The following PPARGC1A variants were observed in gnomAD, a reference collection of about 807,000 sequenced individuals.
The protein encoded by PPARGC1A is peroxisome proliferator-activated receptor gamma coactivator 1-alpha.
PPARGC1A carries 25 observed loss-of-function variants against 88.7 expected under a neutral mutation model. The ratio of observed to expected loss-of-function variants is 0.28; its 90% CI spans 0.21 to 0.39. The LOEUF (loss-of-function observed/expected upper bound fraction) is 0.39, where lower values mean the gene tolerates loss of function less well. PPARGC1A is among the 10% of genes least tolerant of loss of function. PPARGC1A has a pLI of 1.00. For synonymous variants in PPARGC1A, 363 were observed against 355.6 expected (o/e 1.02, Z -0.24); for missense variants, 880 against 968.7 (o/e 0.91, Z 1.22).
chr4:24,282,339 A>C, the PPARGC1A span, among the ~76,000 whole-genome samples: 1 of 152,224 alleles, frequency 6.6e-6, no homozygotes, highest in Non-Finnish European at 1.5e-5. Flanking sequence ...TCTTGTCAAT[A>C]ACAGCGTCTA....
At position 23,814,384 on chromosome 4, in the gene PPARGC1A, C is replaced by T. The variant is rs1478805169; in HGVS notation, c.1099G>A (p.Gly367Arg). 1.2e-6 allele frequency: 2 copies of T among 1,613,664 alleles called. No individual in the cohort carries two copies. Among genetic ancestry groups the T allele is most frequent in the African/African-American group, 2.7e-5 (2 of 74,816 alleles). Residue 367 changes from glycine to arginine, a missense_variant, in exon 8 of 13, where the codon GGA becomes AGA. By Grantham distance (125) the Gly-to-Arg change is moderately radical. Coordinates refer to ENST00000264867, the MANE Select transcript of PPARGC1A (RefSeq NM_013261.5). ...QLSKSSVLTG[G>R]HEERKTKRPS... ...CGCTTGGTCTTCCTTTCCTCGTGTCCACCAGTGAGGACTGAGGACTTGCTG... is the reference window on the plus strand; with the variant it reads ...CGCTTGGTCTTCCTTTCCTCGTGTCTACCAGTGAGGACTGAGGACTTGCTG...
the PPARGC1A span, among the ~76,000 whole-genome samples, chr4:23,992,221 A>T: frequency 6.6e-6 from 1 of 152,006 alleles, no homozygotes; most frequent in Non-Finnish European, 1.5e-5. Flanking sequence ...AGAAGGCAGG[A>T]ACACACCAGG....
the PPARGC1A span, among the ~76,000 whole-genome samples, chr4:24,231,801 T>C: frequency 6.6e-6 from 1 of 152,026 alleles, no homozygotes; most frequent in Admixed American, 6.6e-5. Flanking sequence ...AATATAATAG[T>C]GCCAGAGTGA....
chr4:23,884,858 A>G lies in PPARGC1A; in HGVS notation c.128T>C (p.Val43Ala), dbSNP rs777438884. The part of the protein sequence containing the change: ...LPELDLSELD[V>A]NDLDTDSFLG... ...AAAGCTGTCTGTATCCAAGTCGTTCACATCTAGTTCAGAAAGATCAAGTTC... is the reference window on the plus strand; with the variant it reads ...AAAGCTGTCTGTATCCAAGTCGTTCGCATCTAGTTCAGAAAGATCAAGTTC... Residue 43 changes from valine to alanine, a missense_variant, in exon 2 of 13, where the codon GTG (valine) becomes GCG (alanine). Transcript: ENST00000264867. 1.2e-6 allele frequency: 2 copies of G among 1,613,942 alleles called. No homozygotes were observed. The highest frequency in any genetic ancestry group is 4.5e-5 in the East Asian group (2 of 44,838).
At chr4:24,155,884 A>G in the PPARGC1A span, among the ~76,000 whole-genome samples, 2 of 152,224 alleles carry the variant, frequency 1.3e-5, no homozygotes, top group African/African-American at 4.8e-5. Context: ...AAGAGATCCA[A>G]GAAAGGAACT....
the PPARGC1A span, among the ~76,000 whole-genome samples, chr4:24,285,854 T>G: frequency 2.0e-5 from 3 of 152,202 alleles, no homozygotes; most frequent in Non-Finnish European, 4.4e-5. Flanking sequence ...TAAAAATATG[T>G]GATTTCGTTT....
chr4:23,889,427 G>T, intron 1 of PPARGC1A: 1 of 950,206 alleles, frequency 1.1e-6, no homozygotes, highest in Non-Finnish European at 1.3e-6. Flanking sequence ...TAAGTTCTCT[G>T]TCTGATGAAC....
the PPARGC1A span, among the ~76,000 whole-genome samples, chr4:24,139,019 ACT>A: frequency 6.6e-6 from 1 of 151,062 alleles, no homozygotes; most frequent in African/African-American, 2.4e-5. Flanking sequence ...CTCCTTGAAA[ACT>A]CTGTGGAGTT....
the PPARGC1A span, among the ~76,000 whole-genome samples, chr4:24,111,361 A>T: frequency 6.6e-6 from 1 of 152,214 alleles, no homozygotes; most frequent in Non-Finnish European, 1.5e-5. Context: ...TAGGTCATAC[A>T]TTATATACAC....
At chr4:23,981,547 C>T in the PPARGC1A span, among the ~76,000 whole-genome samples, 2 of 152,124 alleles carry the variant, frequency 1.3e-5, no homozygotes, top group Admixed American at 6.5e-5. Flanking sequence ...AAAATGAGAT[C>T]AGCATCACTG....
chr4:24,046,750 A>G, the PPARGC1A span, among the ~76,000 whole-genome samples: 1 of 152,148 alleles, frequency 6.6e-6, no homozygotes, highest in South Asian at 2.1e-4. Flanking sequence ...TCTTCTAGTC[A>G]ATGGAATCTG....
the PPARGC1A span, among the ~76,000 whole-genome samples, chr4:24,117,042 T>C: frequency 6.8e-6 from 1 of 146,802 alleles, no homozygotes; most frequent in Non-Finnish European, 1.5e-5. Context: ...CACAGTGAAG[T>C]TGGTAAAAAA....
chr4:24,129,008 T>C, the PPARGC1A span, among the ~76,000 whole-genome samples: 2 of 152,212 alleles, frequency 1.3e-5, no homozygotes, highest in African/African-American at 4.8e-5. Flanking sequence ...CGAGGAGTCA[T>C]AGCACATCAA....
the PPARGC1A span, among the ~76,000 whole-genome samples, chr4:24,392,990 C>T: frequency 6.7e-6 from 1 of 150,362 alleles, no homozygotes; most frequent in Non-Finnish European, 1.5e-5. Context: ...CAGCTCTAAA[C>T]CCCATGGATT....
the PPARGC1A span, among the ~76,000 whole-genome samples, chr4:24,319,085 G>A: frequency 5.3e-5 from 8 of 152,280 alleles, no homozygotes; most frequent in Non-Finnish European, 1.0e-4. Context: ...GGTGGCTTAC[G>A]GTTGTAATCC....
At chr4:23,943,380 GTTT>G in the PPARGC1A span, among the ~76,000 whole-genome samples, 280 of 124,384 alleles carry the variant, frequency 2.3e-3, no homozygotes, top group African/African-American at 6.3e-3. Context: ...AAATTAAAAG[GTTT>G]TTTTTTTTTT....
intron 2 of PPARGC1A, among the ~76,000 whole-genome samples, chr4:23,872,787 G>A (rs1337851935): frequency 2.0e-5 from 3 of 152,102 alleles, no homozygotes; most frequent in African/African-American, 7.2e-5. Context: ...TTGATGAATG[G>A]GTAAGTAAAT....
At chr4:24,007,136 GAAATACAGTATTTA>G in the PPARGC1A span, among the ~76,000 whole-genome samples, 1 of 152,108 alleles carries the variant, frequency 6.6e-6, no homozygotes, top group Non-Finnish European at 1.5e-5. Flanking sequence ...TAGAGTTAAT[GAAATACAGTATTTA>G]AAGTAGAAAT....
chr4:24,307,861 G>A, the PPARGC1A span, among the ~76,000 whole-genome samples: 1 of 152,172 alleles, frequency 6.6e-6, no homozygotes, highest in Non-Finnish European at 1.5e-5. Flanking sequence ...TCTCATAGCA[G>A]TGATATTCTT....
Sources: gnomAD v4.1 joint callset for allele counts (sites outside exome capture counted in the v4.1 genomes callset) on GRCh38, gnomAD v4.1.1 for gene constraint, MANE v1.5 for transcripts, NCBI Gene and HGNC (gene_info 2026-07-23, HGNC 2026-07-21) for gene names.